The following GIPR variants were observed in gnomAD, a reference collection of about 807,000 sequenced individuals.
GIPR encodes the protein gastric inhibitory polypeptide receptor, also known as GIP-R.
A neutral mutation model predicts 62.2 loss-of-function variants in GIPR; 74 were observed. That is an observed-to-expected ratio of 1.19 (90% CI 0.99 to 1.44). GIPR has a LOEUF of 1.44. Ranked by LOEUF, GIPR falls within the 40% of genes most tolerant of loss-of-function variation. The pLI is 0.00. For synonymous variants in GIPR, 256 were observed against 262.2 expected, an observed-to-expected ratio of 0.98 and a Z score of 0.23; for missense variants, 664 against 611.8, an observed-to-expected ratio of 1.09 and a Z score of -0.90.
chr19:45,672,365 T>C (rs911382185), intron 4 of GIPR, among the ~76,000 whole-genome samples: 8 of 151,488 alleles, frequency 5.3e-5, no homozygotes, highest in African/African-American at 1.9e-4. Flanking sequence ...TGGAATGCAG[T>C]GGCGTGATCT....
At chr19:45,678,530 A>C (rs1967076098) in intron 12 of GIPR, 1 of 434,814 alleles carries the variant, frequency 2.3e-6, no homozygotes, top group Admixed American at 3.5e-5. Context: ...CACCTGGCTA[A>C]TTTTGTATTT....
chr19:45,677,072 G>T lies in GIPR; in HGVS notation c.757G>T (p.Glu253Ter), dbSNP rs1159478274. The T allele has an allele frequency of 3.1e-6, 5 of 1,613,922 alleles. No individual in the cohort carries two copies. Among genetic ancestry groups the T allele is most frequent in the Middle Eastern group, 1.6e-4 (1 of 6,078 alleles). Residue 253 changes from glutamate to a stop codon, truncating the protein, a stop_gained, in exon 8 of 14, where the codon GAG (glutamate) becomes TAG (stop). Coordinates refer to ENST00000590918, the MANE Select transcript of GIPR (RefSeq NM_000164.4). LOFTEE classifies it high-confidence loss of function. ...SLLVLVGGSE[E>*]GHFRYYLLLG... ...CCTGGTGCTCGTGGGAGGCTCCGAGGAGGGCCACTTCCGCTACTACCTGCT... is the reference window on the plus strand; with the variant it reads ...CCTGGTGCTCGTGGGAGGCTCCGAGTAGGGCCACTTCCGCTACTACCTGCT...
rs777826805 is a variant in GIPR at position 45,678,182 on chromosome 19, C to A, written c.1108C>A (p.Arg370Ser). The A allele has an allele frequency of 6.9e-6, 11 of 1,594,764 alleles. No individual in the cohort carries two copies. Among genetic ancestry groups the A allele is most frequent in the South Asian group, 4.5e-5 (4 of 89,172 alleles). Reference sequence around the variant, plus strand: ...AGAGGAACAGGCCCGGGGCGCCCTGCGCTTCGCCAAGCTCGGCTTTGAGAT... The same window carrying A: ...AGAGGAACAGGCCCGGGGCGCCCTGAGCTTCGCCAAGCTCGGCTTTGAGAT... ...VTEEQARGAL[R>S]FAKLGFEIFL... is the part of the protein sequence containing the mutation. The change falls in exon 12 of 14, where the codon CGC becomes AGC. Residue 370 changes from arginine (R) to serine (S), a missense_variant. By Grantham distance (110) the Arg-to-Ser change is moderately radical. Coordinates refer to ENST00000590918, the MANE Select transcript of GIPR (RefSeq NM_000164.4).
intron 9 of GIPR, 21 bp downstream of exon 9, chr19:45,677,404 C>T (rs1384687139): frequency 6.7e-6 from 4 of 596,882 alleles, no homozygotes; most frequent in African/African-American, 2.1e-5. Flanking sequence ...GGGTCTGGGG[C>T]GGGGCGTGGG....
chr19:45,677,288 G>A, intron 8 of GIPR, 35 bp from the exon 9 acceptor site: 1 of 1,469,710 alleles, frequency 6.8e-7, no homozygotes, highest in Non-Finnish European at 9.2e-7. Context: ...TGACAGCTGC[G>A]GCGGGGTGGG....
At position 45,678,198 on chromosome 19, in the gene GIPR, G is replaced by A. The variant is rs1209978691; in HGVS notation, c.1124G>A (p.Gly375Asp). ...ARGALRFAKLGFEIFLSSFQG... is the reference protein window; with the variant it reads ...ARGALRFAKLDFEIFLSSFQG... ...GGCGCCCTGCGCTTCGCCAAGCTCGGCTTTGAGATCTTCCTCAGCTCCTTC... is the reference window on the plus strand; with the variant it reads ...GGCGCCCTGCGCTTCGCCAAGCTCGACTTTGAGATCTTCCTCAGCTCCTTC... Residue 375 changes from glycine to aspartate, a missense_variant, in exon 12 of 14, where the codon GGC (glycine) becomes GAC (aspartate). Transcript: ENST00000590918. 2 of 1,581,110 alleles carry A rather than the reference G, an allele frequency of 1.3e-6. No individual in the cohort carries two copies. The highest frequency in any genetic ancestry group is 2.3e-5 in the East Asian group (1 of 43,070).
chr19:45,681,597 T>C lies in GIPR; in HGVS notation c.1153-7T>C, dbSNP rs1184646561. On this transcript the variant is annotated splice_polypyrimidine_tract_variant and splice_region_variant and intron_variant, in intron 12 of 13. Transcript: ENST00000590918. The stretch of plus-strand genomic sequence containing the variant: ...AGCGATGTAACCTCCGCGCCTCCTC[T>C]GGGCAGGGCTTCCTGGTCAGCGTCC... The C allele has an allele frequency of 2.5e-6, 4 of 1,613,680 alleles. No individual in the cohort carries two copies. The highest frequency in any genetic ancestry group is 2.2e-5 in the East Asian group (1 of 44,874).
chr19:45,670,195 T>A (rs1975461833), intron 2 of GIPR: 1 of 157,558 alleles, frequency 6.3e-6, no homozygotes, highest in South Asian at 1.7e-4. Flanking sequence ...CATGCCTGGC[T>A]AATTTTTGGA....
At chr19:45,680,081 C>T (rs1050857466) in intron 12 of GIPR, among the ~76,000 whole-genome samples, 2 of 152,078 alleles carry the variant, frequency 1.3e-5, no homozygotes, top group Non-Finnish European at 2.9e-5. Context: ...AGATCCTCAT[C>T]TCTACCAAAA....
At chr19:45,676,426 A>ATTTTTTTTTTT (rs869190523) in intron 7 of GIPR, among the ~76,000 whole-genome samples, 1 of 73,690 alleles carries the variant, frequency 1.4e-5, no homozygotes, top group Non-Finnish European at 2.4e-5. Context: ...AAAGAAGCTG[A>ATTTTTTTTTTT]TTTTTTTTTT....
Position 45,674,860 on chromosome 19 carries a change from A to G in GIPR, c.633+34A>G, listed in dbSNP as rs750262431. The G allele has an allele frequency of 5.6e-5, 90 of 1,604,090 alleles. 2 individuals are homozygous for G. In the South Asian group the frequency reaches 9.8e-4, roughly 17 times the overall value. Reference sequence around the variant, plus strand: ...CCTCCTTCCGTTCCTCCAAATGGGAATCTTGCTTCTCTGGTGGGACCAGGA... The same window carrying G: ...CCTCCTTCCGTTCCTCCAAATGGGAGTCTTGCTTCTCTGGTGGGACCAGGA... On this transcript the variant is annotated intron_variant, in intron 7 of 13. Coordinates refer to ENST00000590918, the MANE Select transcript of GIPR (RefSeq NM_000164.4).
At position 45,671,295 on chromosome 19, in the gene GIPR, T is replaced by C. The variant is rs1281459393; in HGVS notation, c.183T>C (p.Cys61=). Residue 61 remains cysteine, a synonymous_variant, in exon 4 of 14, where the codon TGT becomes TGC. Coordinates refer to ENST00000590918, the MANE Select transcript of GIPR (RefSeq NM_000164.4). ...CGTGCCCACCCCCAGGCCTCGCCTGTAACGGGTCCTTCGATATGTACGTCT... is the reference window on the plus strand; with the variant it reads ...CGTGCCCACCCCCAGGCCTCGCCTGCAACGGGTCCTTCGATATGTACGTCT... The part of the protein sequence containing the change: ...AAAEPPSGLA[C]NGSFDMYVCW... 1 of 1,610,330 alleles carries C rather than the reference T, an allele frequency of 6.2e-7. No individual in the cohort carries two copies. The highest frequency in any genetic ancestry group is 1.7e-5 in the Admixed American group (1 of 59,834).
intron 6 of GIPR, 38 bp from the exon 7 acceptor site, chr19:45,674,644 C>A: frequency 6.2e-7 from 1 of 1,609,780 alleles, no homozygotes; most frequent in Non-Finnish European, 8.5e-7. Flanking sequence ...GAGGACAGCT[C>A]TCCAGGGGCC....
At chr19:45,668,952 G>A (rs1310325112) in intron 1 of GIPR, among the ~76,000 whole-genome samples, 2 of 152,194 alleles carry the variant, frequency 1.3e-5, no homozygotes, top group East Asian at 3.8e-4. Context: ...TGGGAGCTCG[G>A]ATGGGCGTTT....
At chr19:45,673,524 T>G (rs1975660178) in intron 5 of GIPR, among the ~76,000 whole-genome samples, 1 of 150,862 alleles carries the variant, frequency 6.6e-6, no homozygotes, top group African/African-American at 2.4e-5. Flanking sequence ...GAACGCAGGA[T>G]TTTGAGACCA....
At chr19:45,677,515 T>A in intron 9 of GIPR, 132 bp downstream of exon 9, 1 of 828,454 alleles carries the variant, frequency 1.2e-6, no homozygotes, top group Non-Finnish European at 2.0e-6. Context: ...GGATCCGAAG[T>A]AATGGGGAGC....
At chr19:45,679,570 A>G (rs1272846524) in intron 12 of GIPR, among the ~76,000 whole-genome samples, 13 of 150,520 alleles carry the variant, frequency 8.6e-5, no homozygotes, top group African/African-American at 3.2e-4. Flanking sequence ...AGAGATGAGG[A>G]GTGTCCACTG....
intron 7 of GIPR, among the ~76,000 whole-genome samples, chr19:45,676,339 G>A (rs1966908116): frequency 6.6e-6 from 1 of 151,886 alleles, no homozygotes; most frequent in Non-Finnish European, 1.5e-5. Context: ...GGGGGGAACT[G>A]ACGGCAATGA....
chr19:45,677,757 C>T lies in GIPR; in HGVS notation c.902C>T (p.Thr301Ile), dbSNP rs1967027607. Reference sequence around the variant, plus strand: ...AAGGCCATTTGGTGGATTATACGGACCCCCATCCTCATGACCATCTTGGTA... The same window carrying T: ...AAGGCCATTTGGTGGATTATACGGATCCCCATCCTCATGACCATCTTGGTA... The part of the protein sequence containing the change: ...EVKAIWWIIR[T>I]PILMTILINF... The change falls in exon 10 of 14, where the codon ACC becomes ATC. Residue 301 changes from threonine to isoleucine, a missense_variant. By Grantham distance (89) the Thr-to-Ile change is moderately conservative. Coordinates refer to ENST00000590918, the MANE Select transcript of GIPR (RefSeq NM_000164.4). 1 of 1,612,836 alleles carries T rather than the reference C, an allele frequency of 6.2e-7. No individual in the cohort carries two copies. The highest frequency in any genetic ancestry group is 8.5e-7 in the Non-Finnish European group (1 of 1,178,860).
Sources: gnomAD v4.1 joint callset for allele counts (sites outside exome capture counted in the v4.1 genomes callset) on GRCh38, gnomAD v4.1.1 for gene constraint, MANE v1.5 for transcripts, NCBI Gene and HGNC (gene_info 2026-07-23, HGNC 2026-07-21) for gene names.